The following CCNT2 variants were observed in gnomAD, a reference collection of about 807,000 sequenced individuals.
CCNT2 encodes the protein cyclin T2.
CCNT2 carries 18 observed loss-of-function variants against 70.0 expected under a neutral mutation model. The ratio of observed to expected loss-of-function variants is 0.26; its 90% CI spans 0.18 to 0.38. The LOEUF (loss-of-function observed/expected upper bound fraction) is 0.38, where lower values mean the gene tolerates loss of function less well. Among genes scored for constraint, CCNT2 ranks in the 10% least tolerant of loss-of-function variants. CCNT2 has a pLI of 1.00. For synonymous variants in CCNT2, 334 were observed against 313.3 expected (o/e 1.07, Z -0.70); for missense variants, 734 against 890.2 (o/e 0.82, Z 2.23).
At chr2:134,946,338 G>C in intron 6 of CCNT2, 192 bp downstream of exon 6, 1 of 1,203,210 alleles carries the variant, frequency 8.3e-7, no homozygotes. Flanking sequence ...AATGCACAAT[G>C]TGAAGTGTAG....
intron 2 of CCNT2, among the ~76,000 whole-genome samples, chr2:134,928,056 A>G (rs1453962086): frequency 3.9e-5 from 6 of 152,152 alleles, no homozygotes; most frequent in African/African-American, 1.4e-4. Context: ...GTGCTTAGTG[A>G]CAATATGCAG....
At chr2:134,937,737 A>G (rs1681266112) in intron 3 of CCNT2, among the ~76,000 whole-genome samples, 1 of 152,024 alleles carries the variant, frequency 6.6e-6, no homozygotes, top group African/African-American at 2.4e-5. Context: ...TCATATGGAG[A>G]AACCCCATCT....
Position 134,954,089 on chromosome 2 carries a change from G to A in CCNT2, c.1634G>A (p.Ser545Asn), listed in dbSNP as rs1386784271. 1 of 1,614,122 alleles carries A rather than the reference G, an allele frequency of 6.2e-7. No individual in the cohort carries two copies. Among genetic ancestry groups the A allele is most frequent in the Admixed American group, 1.7e-5 (1 of 60,024 alleles). Residue 545 changes from serine (S) to asparagine (N), a missense_variant, in exon 9 of 9, where the codon AGC becomes AAC. By Grantham distance (46) the Ser-to-Asn change is conservative (BLOSUM62 1). This residue lies in a region of CCNT2 where 532 missense variants were observed against 556.9 expected (regional missense o/e 0.96). Transcript: ENST00000264157. ...HSSSDEGSGKSKHSSPHISRD... is the reference protein window; with the variant it reads ...HSSSDEGSGKNKHSSPHISRD... Reference sequence around the variant, plus strand: ...TCTTCTGATGAAGGCAGTGGGAAGAGCAAACATTCAAGCCCACATATTAGC... The same window carrying A: ...TCTTCTGATGAAGGCAGTGGGAAGAACAAACATTCAAGCCCACATATTAGC...
At chr2:134,923,139 G>A (rs1469414955) in intron 2 of CCNT2, among the ~76,000 whole-genome samples, 1 of 152,094 alleles carries the variant, frequency 6.6e-6, no homozygotes, top group Non-Finnish European at 1.5e-5. Context: ...AAATTAGCTG[G>A]GTGTGGTGGC....
chr2:134,953,245 A>G lies in CCNT2; in HGVS notation c.790A>G (p.Arg264Gly). The change falls in exon 9 of 9, where the codon AGG (arginine) becomes GGG (glycine). Residue 264 changes from arginine to glycine, a missense_variant. This residue lies in a region of CCNT2 where 161 missense variants were observed against 303.8 expected (regional missense o/e 0.53). Coordinates refer to ENST00000264157, the MANE Select transcript of CCNT2 (RefSeq NM_058241.3). ...ATTTTAATAGGCTAATCAGGCAGCT[A>G]GGAAACCAAAAGTAGATGGACAGGT... is the stretch of plus-strand genomic sequence containing the variant. The part of the protein sequence containing the change: ...IRNWRANQAA[R>G]KPKVDGQVSE... 1 of 1,607,078 alleles carries G rather than the reference A, an allele frequency of 6.2e-7. No individual in the cohort carries two copies. Among genetic ancestry groups the G allele is most frequent in the Non-Finnish European group, 8.5e-7 (1 of 1,174,138 alleles).
chr2:134,948,720 C>CTTTT (rs11385900), intron 7 of CCNT2, among the ~76,000 whole-genome samples: 9,004 of 143,108 alleles, frequency 0.063, 395 homozygotes, highest in Middle Eastern at 0.14. Flanking sequence ...ATAGATAACA[C>CTTTT]TTTTTTTTTT....
chr2:134,929,718 C>G (rs1206606695), intron 2 of CCNT2, among the ~76,000 whole-genome samples: 3 of 148,258 alleles, frequency 2.0e-5, no homozygotes, highest in Non-Finnish European at 3.0e-5. Flanking sequence ...GGTGCAATCT[C>G]AGCTCGCTCC....
intron 2 of CCNT2, among the ~76,000 whole-genome samples, chr2:134,925,258 T>C (rs1275959861): frequency 6.6e-6 from 1 of 152,234 alleles, no homozygotes; most frequent in East Asian, 1.9e-4. Context: ...ATTCATCTCA[T>C]ATGGACACCC....
intron 2 of CCNT2, among the ~76,000 whole-genome samples, chr2:134,928,265 A>G (rs1168272476): frequency 3.7e-5 from 4 of 107,314 alleles, no homozygotes; most frequent in African/African-American, 1.1e-4. Context: ...CCGGCCTCAC[A>G]TTGTATTTCT....
At chr2:134,930,624 G>A (rs568159316) in intron 2 of CCNT2, among the ~76,000 whole-genome samples, 1 of 152,286 alleles carries the variant, frequency 6.6e-6, no homozygotes, top group Non-Finnish European at 1.5e-5. Context: ...TTCCAAAGTA[G>A]CCATACCATT....
rs1041939849 is a variant in CCNT2 at position 134,957,225 on chromosome 2, A to G, written c.*2577A>G. The G allele has an allele frequency of 6.6e-6, 1 of 152,228 alleles. No individual in the cohort carries two copies. Among genetic ancestry groups the G allele is most frequent in the Admixed American group, 6.5e-5 (1 of 15,282 alleles). 9.4% of individuals were successfully genotyped at this position (152,228 alleles called of 1,614,324 possible). A position where few individuals can be genotyped will look rare whatever the true frequency, so the allele number is the denominator to read the frequency against. The stretch of plus-strand genomic sequence containing the variant: ...TGGTCCCATTAGGCTCTACCAAAGA[A>G]AGACTCTGATGAGTGGACATTATTA... On this transcript the variant is annotated 3_prime_UTR_variant, in exon 9 of 9. Coordinates refer to ENST00000264157, the MANE Select transcript of CCNT2 (RefSeq NM_058241.3).
intron 7 of CCNT2, 63 bp downstream of exon 7, chr2:134,947,962 C>A: frequency 9.4e-6 from 9 of 958,012 alleles, no homozygotes; most frequent in East Asian, 5.4e-5. Context: ...TCTGAATTGA[C>A]AATAGAAAGT....
At chr2:134,943,551 A>G in intron 5 of CCNT2, 2 of 985,220 alleles carry the variant, frequency 2.0e-6, no homozygotes, top group South Asian at 4.7e-5. Context: ...AGCATAATAC[A>G]TTTAGTTTGT....
intron 2 of CCNT2, among the ~76,000 whole-genome samples, chr2:134,934,855 TC>T (rs1378524228): frequency 1.3e-5 from 2 of 152,216 alleles, no homozygotes; most frequent in African/African-American, 2.4e-5. Flanking sequence ...CTCTATTGCT[TC>T]ACTCTGACAA....
At position 134,954,007 on chromosome 2, in the gene CCNT2, G is replaced by A. The variant is rs370206039; in HGVS notation, c.1552G>A (p.Ala518Thr). The A allele has an allele frequency of 4.6e-5, 75 of 1,614,040 alleles. No individual in the cohort carries two copies. Among genetic ancestry groups the A allele is most frequent in the African/African-American group, 6.7e-5 (5 of 74,994 alleles). Residue 518 changes from alanine to threonine, a missense_variant, in exon 9 of 9, where the codon GCC (alanine) becomes ACC (threonine). Coordinates refer to ENST00000264157, the MANE Select transcript of CCNT2 (RefSeq NM_058241.3). Reference protein sequence around the residue: ...RIPIPPTDKSASKEELKMKIK... With the variant: ...RIPIPPTDKSTSKEELKMKIK... ...TCCAATACCACCCACTGATAAAAGC[G>A]CCAGTAAAGAAGAACTGAAAATGAA...
At chr2:134,945,772 T>C in intron 5 of CCNT2, 2 of 1,330,208 alleles carry the variant, frequency 1.5e-6, no homozygotes, top group African/African-American at 1.5e-5. Flanking sequence ...CTTCTTCTTT[T>C]TTTTTTAAAT....
At position 134,957,472 on chromosome 2, in the gene CCNT2, G is replaced by A. The variant is rs544732050; in HGVS notation, c.*2824G>A. On this transcript the variant is annotated 3_prime_UTR_variant, in exon 9 of 9. Transcript: ENST00000264157. ...ACTGATTTGTTACCTTTACACAGAA[G>A]CACATTGCAAAGAAAGGCTTTATTT... The A allele has an allele frequency of 6.6e-6, 1 of 152,242 alleles. No individual in the cohort carries two copies. The highest frequency in any genetic ancestry group is 1.9e-4 in the East Asian group (1 of 5,188). 9.4% of individuals were successfully genotyped at this position (152,242 alleles called of 1,614,324 possible).
At chr2:134,920,264 C>T (rs1318476300) in intron 2 of CCNT2, 1 of 155,488 alleles carries the variant, frequency 6.4e-6, no homozygotes, top group East Asian at 1.9e-4. Flanking sequence ...TTATGTTGGA[C>T]TCATTGTTTA....
chr2:134,951,888 T>C (rs1682530813), intron 7 of CCNT2, among the ~76,000 whole-genome samples: 1 of 152,210 alleles, frequency 6.6e-6, no homozygotes, highest in African/African-American at 2.4e-5. Flanking sequence ...TCCATTTAGT[T>C]GACATGTCCC....
Sources: allele counts gnomAD v4.1 joint callset (sites outside exome capture counted in the v4.1 genomes callset), GRCh38; gene constraint gnomAD v4.1.1; regional missense constraint gnomAD v4.1.1; transcripts MANE v1.5; gene names NCBI Gene and HGNC (gene_info 2026-07-23, HGNC 2026-07-21).